Variants in BAG3 observed in about 807,000 individuals in gnomAD.
BAG3 encodes the protein BAG cochaperone 3.
In BAG3, 14 loss-of-function variants were observed where a neutral mutation model predicts 40.5. The ratio of observed to expected loss-of-function variants is 0.35; its 90% confidence interval spans 0.23 to 0.54. The LOEUF (loss-of-function observed/expected upper bound fraction) is 0.54, where lower values mean the gene tolerates loss of function less well. Among genes scored for constraint, BAG3 ranks in the 20% least tolerant of loss-of-function variants. BAG3 has a pLI of 0.91. For synonymous variants in BAG3, 302 were observed against 307.8 expected (o/e 0.98, Z 0.20); for missense variants, 788 against 758.6 (o/e 1.04, Z -0.46).
intron 1 of BAG3, chr10:119,657,401 T>A: frequency 5.2e-6 from 2 of 384,450 alleles, no homozygotes; most frequent in Non-Finnish European, 1.1e-5. Flanking sequence ...GTCACACCCC[T>A]GTTAGGAGTT....
At position 119,676,771 on chromosome 10, in the gene BAG3, C is replaced by T. The variant is rs727502900; in HGVS notation, c.1217C>T (p.Thr406Ile). The T allele has an allele frequency of 4.3e-6, 7 of 1,614,078 alleles. No homozygotes were observed. Among genetic ancestry groups the T allele is most frequent in the Non-Finnish European group, 5.9e-6 (7 of 1,180,056 alleles). The change falls in exon 4 of 4, where the codon ACA (threonine) becomes ATA (isoleucine). Residue 406 changes from threonine to isoleucine, a missense_variant. Physicochemically the swap from Thr to Ile is moderately conservative, Grantham distance 89. Transcript: ENST00000369085. ...AAPSTAPAEA[T>I]PPKPGEAEAP... is the part of the protein sequence containing the mutation. ...CCCAGCACTGCCCCTGCAGAAGCTA[C>T]ACCTCCAAAACCAGGAGAAGCCGAG...
At chr10:119,673,967 TCA>T (rs1443960399) in intron 3 of BAG3, among the ~76,000 whole-genome samples, 2 of 152,248 alleles carry the variant, frequency 1.3e-5, no homozygotes, top group Non-Finnish European at 2.9e-5. Context: ...TCAGGAAATT[TCA>T]CATTCTTACA....
rs1847157471 is a variant in BAG3, at chr10:119,672,110, G to A, written c.508-145G>A. The A allele has an allele frequency of 4.2e-6, 5 of 1,181,552 alleles. No individual in the cohort carries two copies. Among genetic ancestry groups the A allele is most frequent in the South Asian group, 1.3e-5 (1 of 76,776 alleles). 73.2% of individuals were successfully genotyped at this position (1,181,552 alleles called of 1,614,324 possible). ...AGCCCCAGAGCTCTCAGTCTTAACCGCACATTTTGAAAATTGAAAATTACA... is the reference window on the plus strand; with the variant it reads ...AGCCCCAGAGCTCTCAGTCTTAACCACACATTTTGAAAATTGAAAATTACA... On this transcript the variant is annotated intron_variant, in intron 2 of 3. Transcript: ENST00000369085. The surrounding 1 kb of genome is among the most constrained non-coding windows in gnomAD (Gnocchi z 4.8).
chr10:119,660,612 G>A (rs772433924), intron 1 of BAG3, among the ~76,000 whole-genome samples: 21 of 152,136 alleles, frequency 1.4e-4, no homozygotes, highest in Non-Finnish European at 1.9e-4. Context: ...TTGGGAGGCC[G>A]AGGCAGATGG....
At position 119,672,172 on chromosome 10, in the gene BAG3, G is replaced by T. The variant is rs372060324; in HGVS notation, c.508-83G>T. 5.1e-6 allele frequency: 8 copies of T among 1,557,202 alleles called. No homozygotes were observed. The South Asian group carries it at 7.8e-5, about 15-fold the overall frequency. On this transcript the variant is annotated intron_variant, in intron 2 of 3. Transcript: ENST00000369085. This position sits in a 1 kb window ranked among gnomAD's most constrained non-coding sequence, Gnocchi z 4.8. The stretch of plus-strand genomic sequence containing the variant: ...TTACAATATGGATTGCCCTGAGGAG[G>T]TGCACAGCAGAAGGCGTGGTCAGGA...
At position 119,676,763 on chromosome 10, in the gene BAG3, A is replaced by C; in HGVS notation, c.1209A>C (p.Ala403=). The C allele has an allele frequency of 6.2e-7, 1 of 1,614,184 alleles. No individual in the cohort carries two copies. The highest frequency in any genetic ancestry group is 8.5e-7 in the Non-Finnish European group (1 of 1,180,042). ...GGGCAGCCCCCAGCACTGCCCCTGC[A>C]GAAGCTACACCTCCAAAACCAGGAG... ...EERAAPSTAP[A]EATPPKPGEA... Residue 403 remains alanine (A), a synonymous_variant, in exon 4 of 4, where the codon GCA becomes GCC. Coordinates refer to ENST00000369085, the MANE Select transcript of BAG3 (RefSeq NM_004281.4).
At chr10:119,676,322 A>C in intron 3 of BAG3, 142 bp from the exon 4 acceptor site, 1 of 818,216 alleles carries the variant, frequency 1.2e-6, no homozygotes, top group South Asian at 1.7e-5. Flanking sequence ...ACAGCCATTG[A>C]TTGACTTTGA....
In BAG3 at chr10:119,651,659, G is replaced by A. The variant is rs200388926; in HGVS notation, c.-17G>A. ...GCGCCCCGCACCCGCGCCCCAGCGG[G>A]CAGACCCCAACCCAGCATGAGCGCC... On this transcript the variant is annotated 5_prime_UTR_variant, in exon 1 of 4. Coordinates refer to ENST00000369085, the MANE Select transcript of BAG3 (RefSeq NM_004281.4). 3.6e-3 allele frequency: 5,527 copies of A among 1,546,724 alleles called. 8 individuals carry two copies. Among genetic ancestry groups the A allele is most frequent in the Non-Finnish European group, 4.3e-3 (4,881 of 1,147,386 alleles).
intron 1 of BAG3, among the ~76,000 whole-genome samples, chr10:119,656,334 CCT>C (rs916383524): frequency 2.0e-5 from 3 of 151,956 alleles, no homozygotes; most frequent in Non-Finnish European, 4.4e-5. Context: ...CAAGTAGACA[CCT>C]CTGATCTGCT....
chr10:119,669,740 G>A, intron 1 of BAG3, 111 bp from the exon 2 acceptor site: 1 of 1,137,686 alleles, frequency 8.8e-7, no homozygotes, highest in Non-Finnish European at 1.3e-6. Context: ...ACGCTTTGAG[G>A]CCCAAGTCAC....
intron 1 of BAG3, among the ~76,000 whole-genome samples, chr10:119,663,938 G>C (rs550179888): frequency 5.9e-5 from 9 of 152,292 alleles, no homozygotes; most frequent in African/African-American, 2.2e-4. Flanking sequence ...GATACCCCAA[G>C]TGCTGGAGAA....
At chr10:119,665,387 A>G (rs916979990) in intron 1 of BAG3, among the ~76,000 whole-genome samples, 1 of 150,846 alleles carries the variant, frequency 6.6e-6, no homozygotes, top group African/African-American at 2.4e-5. Context: ...TGATCCACCC[A>G]CCTCAGCCTG....
At chr10:119,655,621 C>T (rs1846899770) in intron 1 of BAG3, among the ~76,000 whole-genome samples, 1 of 152,042 alleles carries the variant, frequency 6.6e-6, no homozygotes, top group South Asian at 2.1e-4. Context: ...AATGAGTGGC[C>T]GTTCTCTCCT....
At chr10:119,664,118 C>T (rs976311898) in intron 1 of BAG3, among the ~76,000 whole-genome samples, 5 of 152,204 alleles carry the variant, frequency 3.3e-5, no homozygotes, top group African/African-American at 9.7e-5. Context: ...CCTCAGCGCC[C>T]ATGTTGCTGC....
chr10:119,669,088 G>A (rs1847104616), intron 1 of BAG3, among the ~76,000 whole-genome samples: 1 of 152,164 alleles, frequency 6.6e-6, no homozygotes, highest in African/African-American at 2.4e-5. Context: ...TGAGGCTGGG[G>A]AGGGGGTTTC....
chr10:119,660,180 G>A (rs530960926), intron 1 of BAG3, among the ~76,000 whole-genome samples: 12 of 152,344 alleles, frequency 7.9e-5, no homozygotes, highest in Middle Eastern at 3.4e-3. Context: ...TTGAGGAGAC[G>A]CCAGCAGATG....
chr10:119,651,559 C>A lies in BAG3; in HGVS notation c.-117C>A. 1 of 1,018,478 alleles carries A rather than the reference C, an allele frequency of 9.8e-7. No individual in the cohort carries two copies. The highest frequency in any genetic ancestry group is 1.3e-6 in the Non-Finnish European group (1 of 765,984). The allele number at this position is 1,018,478 out of a possible 1,614,324, so 63.1% of individuals were successfully genotyped here. ...TTTAATTCATAAAGGTGCCCGGCGCCGGCTTCCCGGACACGTCGGCGGCGG... is the reference window on the plus strand; with the variant it reads ...TTTAATTCATAAAGGTGCCCGGCGCAGGCTTCCCGGACACGTCGGCGGCGG... On this transcript the variant is annotated 5_prime_UTR_variant, in exon 1 of 4. Transcript: ENST00000369085.
chr10:119,677,027 G>A lies in BAG3; in HGVS notation c.1473G>A (p.Leu491=), dbSNP rs754660094. 2 of 1,614,176 alleles carry A rather than the reference G, an allele frequency of 1.2e-6. No homozygotes were observed. Among genetic ancestry groups the A allele is most frequent in the South Asian group, 2.2e-5 (2 of 91,072 alleles). ...RDGVRKVQTI[L]EKLEQKAIDV... ...GTGTCAGGAAGGTTCAGACCATCTT[G>A]GAAAAACTTGAACAGAAAGCCATTG... Residue 491 remains leucine, a synonymous_variant, in exon 4 of 4, where the codon TTG becomes TTA. Transcript: ENST00000369085.
At position 119,676,819 on chromosome 10, in the gene BAG3, TGCTGAAAGTG is replaced by T. The variant is rs794728981; in HGVS notation, c.1267_1276del (p.Leu423LysfsTer14). 6.2e-7 allele frequency: 1 copy of T among 1,613,506 alleles called. No homozygotes were observed. Among genetic ancestry groups the T allele is most frequent in the Non-Finnish European group, 8.5e-7 (1 of 1,179,958 alleles). On this transcript the variant is annotated frameshift_variant, in exon 4 of 4. Coordinates refer to ENST00000369085, the MANE Select transcript of BAG3 (RefSeq NM_004281.4). LOFTEE classifies it high-confidence loss of function. Reference sequence around the variant, plus strand: ...GAGGCTCCCCCAAAACATCCAGGAGTGCTGAAAGTGGAAGCCATCCTGGAGAAGGTACAGG... The same window carrying T: ...GAGGCTCCCCCAAAACATCCAGGAGTGAAGCCATCCTGGAGAAGGTACAGG...
Sources: gnomAD v4.1 joint callset for allele counts (sites outside exome capture counted in the v4.1 genomes callset) on GRCh38, gnomAD v4.1.1 for gene constraint, Gnocchi (gnomAD v3.1) non-coding constraint, MANE v1.5 for transcripts, NCBI Gene and HGNC (gene_info 2026-07-23, HGNC 2026-07-21) for gene names.